Variants in MICOS10 observed in about 807,000 individuals in gnomAD.
The protein encoded by MICOS10 is mitochondrial contact site and cristae organizing system subunit 10.
Under a neutral mutation model 13.4 loss-of-function variants are expected in MICOS10, and 5 were observed. The observed-to-expected ratio is 0.37, with a 90% CI of 0.20 to 0.78. The LOEUF (loss-of-function observed/expected upper bound fraction) is 0.78. Among genes scored for constraint, MICOS10 ranks in the 30% least tolerant of loss-of-function variants. The pLI is 0.47. For missense variants in MICOS10, 101 were observed against 94.6 expected (o/e 1.07, Z -0.28); for synonymous variants, 35 against 33.6 (o/e 1.04, Z -0.15).
At chr1:19,599,136 A>G (rs937473616) in intron 1 of MICOS10, among the ~76,000 whole-genome samples, 1 of 151,686 alleles carries the variant, frequency 6.6e-6, no homozygotes, top group African/African-American at 2.4e-5. Flanking sequence ...GCTCACTGCA[A>G]CTTCTGTCTC....
chr1:19,608,230 C>T (rs61740467), intron 1 of MICOS10: 106,888 of 1,405,392 alleles, frequency 0.076, 4,925 homozygotes, highest in Non-Finnish European at 0.081. Context: ...CCTTCAATGA[C>T]ACTTTTGTCC....
At chr1:19,618,383 C>T (rs1382996887) in intron 1 of MICOS10, among the ~76,000 whole-genome samples, 1 of 152,070 alleles carries the variant, frequency 6.6e-6, no homozygotes, top group Non-Finnish European at 1.5e-5. Flanking sequence ...CTCAAGCGAT[C>T]CTCCCATCTT....
intron 1 of MICOS10, among the ~76,000 whole-genome samples, chr1:19,613,521 G>T (rs1295433102): frequency 1.3e-5 from 2 of 152,112 alleles, no homozygotes; most frequent in African/African-American, 4.8e-5. Flanking sequence ...GACAGTTTGG[G>T]TATCCTCAGT....
intron 1 of MICOS10, among the ~76,000 whole-genome samples, chr1:19,601,767 T>C (rs919270120): frequency 1.3e-5 from 2 of 152,156 alleles, no homozygotes; most frequent in Non-Finnish European, 2.9e-5. Flanking sequence ...AAAACCCATC[T>C]TTCTCTTGGA....
intron 1 of MICOS10, chr1:19,598,106 A>C (rs377627487): frequency 5.9e-5 from 9 of 152,234 alleles, no homozygotes; most frequent in African/African-American, 2.2e-4. Context: ...CCCCATCCCC[A>C]GCCCCTAAAA....
At position 19,597,079 on chromosome 1, in the gene MICOS10, C is replaced by A. The variant is rs1374822053; in HGVS notation, c.34C>A (p.Arg12=). 1.9e-6 allele frequency: 3 copies of A among 1,598,232 alleles called. No individual in the cohort carries two copies. The highest frequency in any genetic ancestry group is 3.5e-5 in the Admixed American group (2 of 57,434). Residue 12 remains arginine (R), a synonymous_variant, in exon 1 of 4, where the codon CGG becomes AGG. Transcript: ENST00000322753. The part of the protein sequence containing the change: ...SESELGRKWD[R]CLADAVVKIG... The stretch of plus-strand genomic sequence containing the variant: ...GTCGGAGCTCGGCAGGAAGTGGGAC[C>A]GGTGTCTGGCGGATGCGGTCGTGAA...
rs892317148 is a variant in MICOS10 at position 19,627,323 on chromosome 1, T to C, written c.*922T>C. 1 of 152,362 alleles carries C rather than the reference T, an allele frequency of 6.6e-6. No individual in the cohort carries two copies. The highest frequency in any genetic ancestry group is 2.1e-4 in the South Asian group (1 of 4,834). 9.4% of individuals were successfully genotyped at this position (152,362 alleles called of 1,614,324 possible). ...CTTTTTCCTTATCGTAGAATTAAGATAGGGAGAGCCCGATCCCACTTGCCC... is the reference window on the plus strand; with the variant it reads ...CTTTTTCCTTATCGTAGAATTAAGACAGGGAGAGCCCGATCCCACTTGCCC... On this transcript the variant is annotated 3_prime_UTR_variant, in exon 4 of 4. Transcript: ENST00000322753.
chr1:19,603,252 C>T (rs1558337502), intron 1 of MICOS10, among the ~76,000 whole-genome samples: 2 of 152,142 alleles, frequency 1.3e-5, no homozygotes, highest in Admixed American at 1.3e-4. Flanking sequence ...ATAGCTTGAA[C>T]CCGGGAGGTA....
At chr1:19,603,025 A>G (rs957337219) in intron 1 of MICOS10, among the ~76,000 whole-genome samples, 1 of 152,114 alleles carries the variant, frequency 6.6e-6, no homozygotes, top group Non-Finnish European at 1.5e-5. Context: ...TGAGCCCTAC[A>G]GGTGTGGGTC....
intron 1 of MICOS10, among the ~76,000 whole-genome samples, chr1:19,609,143 C>G (rs72959453): frequency 0.02 from 3,025 of 151,560 alleles, 102 homozygotes; most frequent in African/African-American, 0.069. Context: ...ACTACAGGTG[C>G]GTGCTACCGC....
At chr1:19,607,235 G>A (rs2094838754) in intron 1 of MICOS10, among the ~76,000 whole-genome samples, 1 of 152,206 alleles carries the variant, frequency 6.6e-6, no homozygotes, top group South Asian at 2.1e-4. Context: ...CGGCAGCAAT[G>A]TGAATAATGG....
chr1:19,598,511 T>C (rs1433135016), intron 1 of MICOS10, among the ~76,000 whole-genome samples: 1 of 152,024 alleles, frequency 6.6e-6, no homozygotes, highest in African/African-American at 2.4e-5. Flanking sequence ...GCGAAGTGGC[T>C]CAGGCCTGTA....
At chr1:19,624,701 TTGA>T (rs1340194963) in intron 3 of MICOS10, among the ~76,000 whole-genome samples, 1 of 152,172 alleles carries the variant, frequency 6.6e-6, no homozygotes, top group East Asian at 1.9e-4. Context: ...TTTTCCTTAC[TTGA>T]TGATTAGTTA....
At chr1:19,601,108 G>C (rs2094812996) in intron 1 of MICOS10, 1 of 885,578 alleles carries the variant, frequency 1.1e-6, no homozygotes, top group Non-Finnish European at 1.6e-6. Flanking sequence ...GTATAGCTGA[G>C]TTAAATAGCT....
chr1:19,615,256 G>C (rs2094879249), intron 1 of MICOS10, among the ~76,000 whole-genome samples: 1 of 152,144 alleles, frequency 6.6e-6, no homozygotes, highest in African/African-American at 2.4e-5. Context: ...GTAAATATTT[G>C]GACTTTCGAT....
chr1:19,599,099 A>T (rs1439556103), intron 1 of MICOS10, among the ~76,000 whole-genome samples: 1 of 152,112 alleles, frequency 6.6e-6, no homozygotes, highest in South Asian at 2.1e-4. Context: ...TCTGTCACCC[A>T]GGCTGGAGTG....
At chr1:19,612,388 G>T (rs2094866848) in intron 1 of MICOS10, among the ~76,000 whole-genome samples, 1 of 151,736 alleles carries the variant, frequency 6.6e-6, no homozygotes, top group Middle Eastern at 3.2e-3. Flanking sequence ...CAGGGATTTG[G>T]AGAGGTTTTT....
chr1:19,622,185 T>C (rs1199730949), intron 2 of MICOS10, 38 bp downstream of exon 2: 5 of 1,534,294 alleles, frequency 3.3e-6, no homozygotes, highest in Non-Finnish European at 4.5e-6. Flanking sequence ...AATGTCATAG[T>C]GTATACATAT....
At position 19,628,169 on chromosome 1, in the gene MICOS10, C is replaced by T. The variant is rs1316894975; in HGVS notation, c.*1768C>T. On this transcript the variant is annotated 3_prime_UTR_variant, in exon 4 of 4. Coordinates refer to ENST00000322753, the MANE Select transcript of MICOS10 (RefSeq NM_001032363.4). ...TCTCGGCCTGCTGCAACCTCCGCTTCCTGGGTTCAAGCGCTTCTCCTGCCT... is the reference window on the plus strand; with the variant it reads ...TCTCGGCCTGCTGCAACCTCCGCTTTCTGGGTTCAAGCGCTTCTCCTGCCT... The T allele has an allele frequency of 6.6e-6, 1 of 152,112 alleles. No homozygotes were observed. The highest frequency in any genetic ancestry group is 1.5e-5 in the Non-Finnish European group (1 of 68,104). 9.4% of individuals were successfully genotyped at this position (152,112 alleles called of 1,614,324 possible).
Sources: allele counts gnomAD v4.1 joint callset (sites outside exome capture counted in the v4.1 genomes callset), GRCh38; gene constraint gnomAD v4.1.1; transcripts MANE v1.5; gene names NCBI Gene and HGNC (gene_info 2026-07-23, HGNC 2026-07-21).